The following SOX6 variants were observed in gnomAD, a reference collection of about 807,000 sequenced individuals.
SOX6 encodes SRY-box transcription factor 6.
Under a neutral mutation model 97.8 loss-of-function variants are expected in SOX6, and 11 were observed. The observed-to-expected ratio is 0.11, with a 90% CI of 0.07 to 0.19. The LOEUF (loss-of-function observed/expected upper bound fraction) is 0.19. Ranked by LOEUF, SOX6 falls within the 10% of genes least tolerant of loss-of-function variation. The pLI is 1.00. For synonymous variants in SOX6, 360 were observed against 371.4 expected, an observed-to-expected ratio of 0.97 and a Z score of 0.35; for missense variants, 810 against 1,039.5, an observed-to-expected ratio of 0.78 and a Z score of 3.04.
chr11:16,516,708 T>C (rs1409990804), intron 4 of SOX6, among the ~76,000 whole-genome samples: 1 of 145,670 alleles, frequency 6.9e-6, no homozygotes, highest in African/African-American at 2.6e-5. Context: ...CCAAAAAGAG[T>C]CCAGGACCAG....
intron 6 of SOX6, among the ~76,000 whole-genome samples, chr11:16,123,907 T>C (rs1320375724): frequency 1.3e-5 from 2 of 152,092 alleles, no homozygotes; most frequent in Non-Finnish European, 2.9e-5. Flanking sequence ...CACAAGATGC[T>C]CTTAACATAC....
chr11:16,142,318 A>G (rs927954343), intron 6 of SOX6, among the ~76,000 whole-genome samples: 3 of 152,222 alleles, frequency 2.0e-5, no homozygotes, highest in African/African-American at 7.2e-5. Flanking sequence ...AAACTAACAA[A>G]CAGAAAGGAC....
At chr11:16,014,273 T>C (rs1854817432) in intron 13 of SOX6, among the ~76,000 whole-genome samples, 3 of 152,066 alleles carry the variant, frequency 2.0e-5, no homozygotes, top group African/African-American at 7.2e-5. Flanking sequence ...GGCATTGATA[T>C]TGGTGCGGGT....
chr11:16,042,352 G>A (rs878868202), intron 12 of SOX6, among the ~76,000 whole-genome samples: 3 of 152,098 alleles, frequency 2.0e-5, no homozygotes, highest in African/African-American at 7.2e-5. Flanking sequence ...CAGCAGCAAC[G>A]GACACCATGG....
intron 3 of SOX6, among the ~76,000 whole-genome samples, chr11:16,685,267 C>T (rs1468876521): frequency 6.6e-6 from 1 of 152,152 alleles, no homozygotes; most frequent in East Asian, 1.9e-4. Context: ...AAAGTCTTAA[C>T]TCTCCAGCAT....
intron 1 of SOX6, among the ~76,000 whole-genome samples, chr11:16,444,888 T>C (rs1287819889): frequency 6.6e-6 from 1 of 152,200 alleles, no homozygotes; most frequent in African/African-American, 2.4e-5. Context: ...TTGCTGGAAA[T>C]GTGCTCACTT....
At chr11:16,047,217 G>T (rs1855860227) in intron 11 of SOX6, among the ~76,000 whole-genome samples, 1 of 152,120 alleles carries the variant, frequency 6.6e-6, no homozygotes, top group Admixed American at 6.6e-5. Flanking sequence ...CTGTATCTGT[G>T]TGTTCATATG....
At chr11:16,582,507 A>T (rs1404886050) in intron 4 of SOX6, among the ~76,000 whole-genome samples, 2 of 152,124 alleles carry the variant, frequency 1.3e-5, no homozygotes, top group African/African-American at 4.8e-5. Flanking sequence ...AATTTAATTA[A>T]TCAAGCCTTG....
intron 12 of SOX6, 63 bp from the exon 13 acceptor site, chr11:16,015,113 T>C (rs1393241679): frequency 7.0e-7 from 1 of 1,419,152 alleles, no homozygotes; most frequent in African/African-American, 1.4e-5. Flanking sequence ...TTCCTTCCAG[T>C]TTCTATCTTG....
At chr11:16,372,901 G>A (rs1857528520) in intron 1 of SOX6, among the ~76,000 whole-genome samples, 1 of 152,020 alleles carries the variant, frequency 6.6e-6, no homozygotes, top group Non-Finnish European at 1.5e-5. Context: ...CCATCACTAG[G>A]AAGATTTCAT....
chr11:16,322,647 G>A (rs1468359485), intron 2 of SOX6, among the ~76,000 whole-genome samples: 1 of 152,130 alleles, frequency 6.6e-6, no homozygotes, highest in East Asian at 1.9e-4. Flanking sequence ...GCTTCAATGT[G>A]TAGAATTATC....
intron 13 of SOX6, 71 bp downstream of exon 13, chr11:16,014,871 C>T (rs1854834853): frequency 7.1e-7 from 1 of 1,400,412 alleles, no homozygotes; most frequent in African/African-American, 1.4e-5. Context: ...TATAAAGATC[C>T]TATATCTAGC....
At chr11:16,694,741 T>C (rs1848040840) in intron 3 of SOX6, among the ~76,000 whole-genome samples, 1 of 152,114 alleles carries the variant, frequency 6.6e-6, no homozygotes, top group South Asian at 2.1e-4. Flanking sequence ...CCAAAGTTCA[T>C]CTACCACTCT....
At position 16,505,553 on chromosome 11, in the gene SOX6, G is replaced by A. The variant is rs566451123; in HGVS notation, n.610-29165C>T. Among the ~76,000 whole-genome samples, 4 of 152,308 alleles carry A rather than the reference G, an allele frequency of 2.6e-5. No individual in the cohort carries two copies. The South Asian group carries it at 6.2e-4, about 24-fold the overall frequency. On this transcript the variant is annotated intron_variant and non_coding_transcript_variant, in intron 4 of 5. Transcript: ENST00000524520. ...AGAAAAGAAAAAAAACATTTCCTGG[G>A]GAGGAATTCAAGCCAGCTGCAGGAA... is the stretch of plus-strand genomic sequence containing the variant.
chr11:16,517,122 T>C (rs2133157362), intron 4 of SOX6, among the ~76,000 whole-genome samples: 1 of 151,722 alleles, frequency 6.6e-6, no homozygotes, highest in East Asian at 1.9e-4. Context: ...TTGACAAAAT[T>C]CAACAACCCT....
intron 4 of SOX6, among the ~76,000 whole-genome samples, chr11:16,526,005 G>A (rs969442545): frequency 1.3e-5 from 2 of 152,154 alleles, no homozygotes; most frequent in Non-Finnish European, 2.9e-5. Flanking sequence ...AGAGGATGTG[G>A]AGAAATAGGA....
chr11:16,736,935 G>A (rs930635683), intron 1 of SOX6, among the ~76,000 whole-genome samples: 3 of 152,076 alleles, frequency 2.0e-5, no homozygotes, highest in African/African-American at 7.2e-5. Flanking sequence ...ATGTAACCCT[G>A]ACATCTCTTT....
intron 1 of SOX6, among the ~76,000 whole-genome samples, chr11:16,452,227 T>C (rs777549778): frequency 3.9e-5 from 6 of 152,190 alleles, no homozygotes; most frequent in Non-Finnish European, 8.8e-5. Flanking sequence ...AATAAATCCA[T>C]GTCTGTGTGA....
rs1004209441 is a variant in SOX6 at position 16,419,184 on chromosome 11, C to T, written c.-5+57131G>A. On this transcript the variant is annotated intron_variant, in intron 1 of 15. Transcript: ENST00000396356. The stretch of plus-strand genomic sequence containing the variant: ...CACATTACTATTCATAATGCTACAA[C>T]GATCTCCTGTATAAAATATGATGAA... Among the ~76,000 whole-genome samples the T allele has an allele frequency of 2.6e-5, 4 of 152,180 alleles. No individual in the cohort carries two copies. The East Asian group carries it at 5.8e-4, about 22-fold the overall frequency.
Sources: gnomAD v4.1 joint callset for allele counts (sites outside exome capture counted in the v4.1 genomes callset) on GRCh38, gnomAD v4.1.1 for gene constraint, MANE v1.5 for transcripts, NCBI Gene and HGNC (gene_info 2026-07-23, HGNC 2026-07-21) for gene names.